POLK: variants seen among roughly 807,000 people sequenced by gnomAD.
POLK encodes the protein polymerase (DNA directed) kappa.
A neutral mutation model predicts 94.0 loss-of-function variants in POLK; 76 were observed. The observed-to-expected ratio is 0.81, with a 90% CI of 0.67 to 0.98. The LOEUF is 0.98. POLK is among the 50% of genes least tolerant of loss of function. The pLI is 0.00. For synonymous variants in POLK, 349 were observed against 325.4 expected, an observed-to-expected ratio of 1.07 and a Z score of -0.78; for missense variants, 954 against 1,010.1, an observed-to-expected ratio of 0.94 and a Z score of 0.75.
exon 13 of POLK, chr5:75,597,005 T>C (rs1477253339): frequency 6.2e-7 from 1 of 1,613,918 alleles, no homozygotes; most frequent in Middle Eastern, 1.7e-4. Context: ...TTATGTGAAG[T>C]GAAAACAGGC....
At chr5:75,568,497 C>T (rs1383231062) in intron 3 of POLK, among the ~76,000 whole-genome samples, 7 of 152,134 alleles carry the variant, frequency 4.6e-5, no homozygotes, top group African/African-American at 1.7e-4. Context: ...TTCTTACTTG[C>T]TTCCTTTGTT....
chr5:75,582,738 A>G (rs1325286940), intron 7 of POLK: 5 of 152,474 alleles, frequency 3.3e-5, no homozygotes, highest in Non-Finnish European at 7.3e-5. Context: ...ACCTGAGGTC[A>G]GGAGTTCGAG....
At chr5:75,551,378 G>A (rs1430291710) in intron 2 of POLK, among the ~76,000 whole-genome samples, 1 of 151,756 alleles carries the variant, frequency 6.6e-6, no homozygotes, top group Non-Finnish European at 1.5e-5. Context: ...ACCAGCCTGG[G>A]CAACATAATG....
intron 12 of POLK, among the ~76,000 whole-genome samples, chr5:75,595,424 A>G (rs1321537980): frequency 1.3e-5 from 2 of 152,140 alleles, no homozygotes; most frequent in African/African-American, 2.4e-5. Flanking sequence ...TGAATTATCA[A>G]TTCATGAAAA....
Position 75,522,975 on chromosome 5 carries a change from G to A in POLK, c.-14+11061G>A, listed in dbSNP as rs1768657915. Among the ~76,000 whole-genome samples the A allele has an allele frequency of 2.0e-5, 3 of 152,118 alleles. No homozygotes were observed. In the South Asian group the frequency reaches 6.2e-4, roughly 32 times the overall value. On this transcript the variant is annotated intron_variant, in intron 1 of 14. Coordinates refer to ENST00000241436, the Ensembl canonical transcript of POLK. ...AAACTCAAAGATAAAAGACACTGGT[G>A]GTATATAATGACTAATGTAACTACG...
chr5:75,533,358 G>A (rs572749330), intron 1 of POLK, among the ~76,000 whole-genome samples: 3 of 152,200 alleles, frequency 2.0e-5, no homozygotes, highest in East Asian at 1.9e-4. Flanking sequence ...TCTCCATTGC[G>A]TGTTTTTGTT....
Position 75,576,887 on chromosome 5 carries a change from G to A in POLK, c.648G>A (p.Glu216=), listed in dbSNP as rs778629449. ...TAGAAGAAAGACAAAATTGGCCTGA[G>A]GATAAAAGAAGGTATTTCATCAAAA... Residue 216 remains glutamate (E), a synonymous_variant, in exon 6 of 15, where the codon GAG becomes GAA. Transcript: ENST00000241436. 19 of 1,561,250 alleles carry A rather than the reference G, an allele frequency of 1.2e-5. No homozygotes were observed. In the South Asian group the frequency reaches 2.1e-4, roughly 17 times the overall value.
chr5:75,587,038 GA>G lies in POLK; in HGVS notation c.1243del (p.Ser415ValfsTer2), dbSNP rs773201725. ...TTTTCATTTCAAGGGATGGAGAGAG[GA>G]AAAGTATGAGCGTTGAGAGGTAATG... On this transcript the variant is annotated frameshift_variant, in exon 10 of 15. Transcript: ENST00000241436. LOFTEE classifies it high-confidence loss of function. 1.2e-3 allele frequency: 1,858 copies of G among 1,555,986 alleles called. 1 individual carries two copies. Among genetic ancestry groups the G allele is most frequent in the Non-Finnish European group, 1.5e-3 (1,703 of 1,141,618 alleles).
Position 75,570,220 on chromosome 5 carries a change from C to T in POLK, c.408+728C>T, listed in dbSNP as rs540099643. On this transcript the variant is annotated intron_variant, in intron 4 of 14. Coordinates refer to ENST00000241436, the Ensembl canonical transcript of POLK. ...TTTCCATTTGGCAAAAAAGAAAACT[C>T]AGAGAGATGTTTAATAACTTGCCCA... is the stretch of plus-strand genomic sequence containing the variant. Among the ~76,000 whole-genome samples the T allele has an allele frequency of 2.6e-5, 4 of 152,226 alleles. No homozygotes were observed. The South Asian group carries it at 8.3e-4, about 32-fold the overall frequency.
chr5:75,553,175 A>G (rs933029498), intron 3 of POLK, among the ~76,000 whole-genome samples: 1 of 152,136 alleles, frequency 6.6e-6, no homozygotes, highest in African/African-American at 2.4e-5. Flanking sequence ...TAAATACTCC[A>G]AGTTTCCTCT....
chr5:75,585,720 T>C (rs1772434142), intron 9 of POLK, among the ~76,000 whole-genome samples: 1 of 152,200 alleles, frequency 6.6e-6, no homozygotes, highest in Non-Finnish European at 1.5e-5. Context: ...AAGGAAATTT[T>C]AAAAGACTGG....
chr5:75,587,122 T>G (rs1164561193), intron 10 of POLK, 64 bp downstream of exon 10: 2 of 926,106 alleles, frequency 2.2e-6, no homozygotes, highest in African/African-American at 3.5e-5. Flanking sequence ...AATATTGAAT[T>G]AATTTTTAGT....
At chr5:75,566,199 G>A (rs1771259488) in intron 3 of POLK, among the ~76,000 whole-genome samples, 1 of 152,192 alleles carries the variant, frequency 6.6e-6, no homozygotes, top group Admixed American at 6.5e-5. Context: ...CCTCAGTAAT[G>A]GATGACGCAC....
In POLK at chr5:75,587,453, A is replaced by C. The variant is rs141345231; in HGVS notation, c.1259+395A>C. Among the ~76,000 whole-genome samples, 164 of 152,322 alleles carry C rather than the reference A, an allele frequency of 1.1e-3. 1 individual carries two copies. The East Asian group carries it at 0.027, about 25-fold the overall frequency. Reference sequence around the variant, plus strand: ...AAGCAGAAGCTTAATCAAACAGTAAAATATTACTGATAAAAGAGAGCTTAA... The same window carrying C: ...AAGCAGAAGCTTAATCAAACAGTAACATATTACTGATAAAAGAGAGCTTAA... On this transcript the variant is annotated intron_variant, in intron 10 of 14. Transcript: ENST00000241436.
At chr5:75,597,905 T>C (rs1361308442) in intron 14 of POLK, 29 bp from the exon 15 acceptor site, 6 of 1,263,940 alleles carry the variant, frequency 4.7e-6, no homozygotes, top group Non-Finnish European at 5.5e-6. Flanking sequence ...TCTTCCTGCA[T>C]TTTAATTGTG....
At chr5:75,567,159 T>C (rs780849059) in intron 3 of POLK, among the ~76,000 whole-genome samples, 26 of 152,194 alleles carry the variant, frequency 1.7e-4, no homozygotes, top group Non-Finnish European at 2.9e-4. Flanking sequence ...ATAGCATTAA[T>C]ATATGAGTCT....
Position 75,511,907 on chromosome 5 carries a change from G to T in POLK, c.-21G>T. The T allele has an allele frequency of 7.5e-7, 1 of 1,328,004 alleles. No homozygotes were observed. The highest frequency in any genetic ancestry group is 1.4e-5 in the South Asian group (1 of 72,158). The allele number at this position is 1,328,004 out of a possible 1,614,324, so 82.3% of individuals were successfully genotyped here. On this transcript the variant is annotated 5_prime_UTR_variant, in exon 1 of 15. It adds an upstream start codon to the 5' untranslated region. Coordinates refer to ENST00000241436, the Ensembl canonical transcript of POLK. The stretch of plus-strand genomic sequence containing the variant: ...CTGGGAGTTGTAGTCGCGATCCTGA[G>T]GTAACGGGTGAGTATCCCGCGCGGG...
At chr5:75,590,648 C>T in intron 11 of POLK, 1 of 531,148 alleles carries the variant, frequency 1.9e-6, no homozygotes, top group Non-Finnish European at 3.4e-6. Context: ...TATGAAGAAG[C>T]ACCTTATGAG....
At chr5:75,511,675 C>G, upstream of POLK, 2 of 1,522,918 alleles carry the variant, frequency 1.3e-6, no homozygotes, top group Non-Finnish European at 1.8e-6. Flanking sequence ...TCCTCCCATT[C>G]TCCCCCACTA....
Sources: gnomAD v4.1 joint callset for allele counts (sites outside exome capture counted in the v4.1 genomes callset) on GRCh38, gnomAD v4.1.1 for gene constraint, MANE v1.5 for transcripts, NCBI Gene and HGNC (gene_info 2026-07-23, HGNC 2026-07-21) for gene names.